Variants in PCDH7 observed in about 807,000 individuals in gnomAD.
PCDH7 encodes protocadherin 7.
PCDH7 carries 17 observed loss-of-function variants against 58.9 expected under a neutral mutation model. That is an observed-to-expected ratio of 0.29 (90% CI 0.20 to 0.43). The LOEUF is 0.43. PCDH7 is among the 20% of genes least tolerant of loss of function. The pLI, the probability that PCDH7 is intolerant of heterozygous loss-of-function variation, is 1.00. For missense variants in PCDH7, 1,274 were observed against 1,441.0 expected, an observed-to-expected ratio of 0.88 and a Z score of 1.88; for synonymous variants, 664 against 616.4, an observed-to-expected ratio of 1.08 and a Z score of -1.14.
chr4:30,736,541 T>A (rs539331280), downstream of PCDH7, among the ~76,000 whole-genome samples: 306 of 147,974 alleles, frequency 2.1e-3, 1 homozygote, highest in East Asian at 5.5e-3. Flanking sequence ...ATTTATTTTT[T>A]TTTTTTTTTT....
chr4:30,916,853 C>T (rs771688600), intron 1 of PCDH7, among the ~76,000 whole-genome samples: 11 of 152,116 alleles, frequency 7.2e-5, no homozygotes, highest in Non-Finnish European at 1.6e-4. Flanking sequence ...TAAAAACTCC[C>T]GATCTCTGAG....
chr4:30,960,598 G>A (rs1254104088), intron 3 of PCDH7, among the ~76,000 whole-genome samples: 1 of 152,188 alleles, frequency 6.6e-6, no homozygotes, highest in Admixed American at 6.5e-5. Flanking sequence ...CAATCACAGT[G>A]TAAACATCAG....
chr4:30,989,374 A>G (rs1751265624), intron 3 of PCDH7, among the ~76,000 whole-genome samples: 3 of 152,214 alleles, frequency 2.0e-5, no homozygotes, highest in Admixed American at 1.3e-4. Context: ...ACATATAGCT[A>G]TATAATCTGT....
At position 30,795,922 on chromosome 4, in the gene PCDH7, CTATT is replaced by C. The variant is rs370466870; in HGVS notation, c.70+71331_70+71334del. Among the ~76,000 whole-genome samples the C allele has an allele frequency of 7.4e-3, 1,130 of 152,082 alleles. 17 individuals carry two copies. Among genetic ancestry groups the C allele is most frequent in the African/African-American group, 0.025 (1,056 of 41,480 alleles). On this transcript the variant is annotated intron_variant, in intron 1 of 3. Transcript: ENST00000509759. ...TCTATATTGTCTTTTAATATAGAAACTATTTATTAAAACAAACACCGAAAAAATA... is the reference window on the plus strand; with the variant it reads ...TCTATATTGTCTTTTAATATAGAAACTATTAAAACAAACACCGAAAAAATA...
chr4:31,024,798 GTGA>G (rs2109175351), intron 3 of PCDH7, among the ~76,000 whole-genome samples: 1 of 152,184 alleles, frequency 6.6e-6, no homozygotes, highest in African/African-American at 2.4e-5. Flanking sequence ...CTGGAGTATG[GTGA>G]TGCGATCTCC....
chr4:30,873,657 G>A (rs917654349), intron 1 of PCDH7, among the ~76,000 whole-genome samples: 1 of 151,972 alleles, frequency 6.6e-6, no homozygotes, highest in Non-Finnish European at 1.5e-5. Context: ...GGGGTCATGA[G>A]ATTCAGGTCA....
intron 1 of PCDH7, among the ~76,000 whole-genome samples, chr4:30,753,137 G>C (rs1449019674): frequency 6.6e-6 from 1 of 152,100 alleles, no homozygotes; most frequent in African/African-American, 2.4e-5. Context: ...ATCATGCCTG[G>C]GAGACCCTTT....
intron 3 of PCDH7, among the ~76,000 whole-genome samples, chr4:31,055,643 C>T (rs994447212): frequency 4.6e-5 from 7 of 152,022 alleles, no homozygotes; most frequent in Admixed American, 3.3e-4. Context: ...GTGGCATGAT[C>T]TCGGCTCGCT....
chr4:30,937,709 A>T (rs749644530), intron 2 of PCDH7, among the ~76,000 whole-genome samples: 1 of 151,970 alleles, frequency 6.6e-6, no homozygotes, highest in African/African-American at 2.4e-5. Context: ...TCAGGAGAGG[A>T]TATGCCTTAC....
At chr4:31,108,715 A>G (rs11935515) in intron 3 of PCDH7, among the ~76,000 whole-genome samples, 79,979 of 152,020 alleles carry the variant, frequency 0.53, 22,780 homozygotes, top group East Asian at 0.78. Context: ...GATACATAAC[A>G]TATTAGCAAG....
At chr4:30,968,327 A>G (rs565613215) in intron 3 of PCDH7, among the ~76,000 whole-genome samples, 4 of 115,728 alleles carry the variant, frequency 3.5e-5, no homozygotes, top group African/African-American at 1.6e-4. Flanking sequence ...CACTATATAT[A>G]TATATACACA....
At chr4:31,115,766 G>T (rs958270880) in intron 3 of PCDH7, among the ~76,000 whole-genome samples, 1 of 152,142 alleles carries the variant, frequency 6.6e-6, no homozygotes, top group Admixed American at 6.5e-5. Context: ...CATTTTAACA[G>T]AAGTAATTGG....
intron 3 of PCDH7, among the ~76,000 whole-genome samples, chr4:31,006,171 C>T (rs987360034): frequency 6.6e-6 from 1 of 152,102 alleles, no homozygotes; most frequent in Non-Finnish European, 1.5e-5. Context: ...TATAAAAGGA[C>T]CAGTTGTACA....
chr4:30,830,317 A>T (rs1335377607), intron 1 of PCDH7, among the ~76,000 whole-genome samples: 1 of 152,104 alleles, frequency 6.6e-6, no homozygotes, highest in African/African-American at 2.4e-5. Context: ...TTCACATCAC[A>T]TACATCTATA....
chr4:30,944,828 T>C (rs2109440436), intron 2 of PCDH7, among the ~76,000 whole-genome samples: 1 of 152,286 alleles, frequency 6.6e-6, no homozygotes, highest in South Asian at 2.1e-4. Flanking sequence ...TAGTCAACAG[T>C]TAACTAGGTA....
chr4:30,756,072 A>C, intron 1 of PCDH7, among the ~76,000 whole-genome samples: 1 of 152,090 alleles, frequency 6.6e-6, no homozygotes, highest in South Asian at 2.1e-4. Flanking sequence ...AGTGAGACTC[A>C]GTCTCAAAAA....
chr4:31,014,770 G>A (rs1753478119), intron 3 of PCDH7, among the ~76,000 whole-genome samples: 1 of 152,016 alleles, frequency 6.6e-6, no homozygotes, highest in South Asian at 2.1e-4. Flanking sequence ...CTTAGAATTG[G>A]AGTATCATTT....
In PCDH7 at chr4:31,107,211, T is replaced by A. The variant is rs376721090; in HGVS notation, c.*8-35262T>A. Among the ~76,000 whole-genome samples, 8 of 152,326 alleles carry A rather than the reference T, an allele frequency of 5.3e-5. No individual in the cohort carries two copies. The East Asian group carries it at 9.6e-4, about 18-fold the overall frequency. ...ATTTTTTTATAACTAAGTACTATGA[T>A]ATACAAGTAATGACATGAATACGTG... On this transcript the variant is annotated intron_variant, in intron 3 of 3. Coordinates refer to the PCDH7 transcript ENST00000509759.
At chr4:30,888,687 G>T (rs1344160694) in intron 1 of PCDH7, among the ~76,000 whole-genome samples, 1 of 152,114 alleles carries the variant, frequency 6.6e-6, no homozygotes, top group Non-Finnish European at 1.5e-5. Flanking sequence ...GTAAAATATG[G>T]ATTGAATGAA....
Sources: allele counts gnomAD v4.1 joint callset (sites outside exome capture counted in the v4.1 genomes callset), GRCh38; gene constraint gnomAD v4.1.1; transcripts MANE v1.5; gene names NCBI Gene and HGNC (gene_info 2026-07-23, HGNC 2026-07-21).